Variants in MAP4K3 observed in about 807,000 individuals in gnomAD.
The protein encoded by MAP4K3 is MAPK/ERK kinase kinase kinase 3.
A neutral mutation model predicts 143.5 loss-of-function variants in MAP4K3; 94 were observed. The observed-to-expected ratio is 0.65, with a 90% CI of 0.55 to 0.78. The LOEUF (loss-of-function observed/expected upper bound fraction) is 0.78, where lower values mean the gene tolerates loss of function less well. Ranked by LOEUF, MAP4K3 falls within the 30% of genes least tolerant of loss-of-function variation. MAP4K3 has a pLI of 0.00. For missense variants in MAP4K3, 1,077 were observed against 1,068.1 expected (o/e 1.01, Z -0.12); for synonymous variants, 416 against 347.2 (o/e 1.20, Z -2.20).
chr2:39,313,293 T>G (rs1361440852), intron 13 of MAP4K3, among the ~76,000 whole-genome samples: 1 of 152,152 alleles, frequency 6.6e-6, no homozygotes, highest in Non-Finnish European at 1.5e-5. Flanking sequence ...CGCGGGGGTT[T>G]ATTGTACAGA....
intron 1 of MAP4K3, among the ~76,000 whole-genome samples, chr2:39,391,909 G>T (rs1302490262): frequency 6.6e-6 from 1 of 152,044 alleles, no homozygotes; most frequent in African/African-American, 2.4e-5. Context: ...TGGGCCAGGC[G>T]CGGTGGCTCA....
At chr2:39,295,261 G>A (rs1028504801) in intron 16 of MAP4K3, among the ~76,000 whole-genome samples, 11 of 151,888 alleles carry the variant, frequency 7.2e-5, no homozygotes, top group Non-Finnish European at 1.5e-4. Context: ...TGAAGAGCTG[G>A]CATTTGAGTT....
At chr2:39,407,831 C>A (rs1436971043) in intron 1 of MAP4K3, among the ~76,000 whole-genome samples, 4 of 152,146 alleles carry the variant, frequency 2.6e-5, no homozygotes, top group Non-Finnish European at 4.4e-5. Context: ...CCATCTCGGC[C>A]TCCCAAAGTG....
At position 39,293,283 on chromosome 2, in the gene MAP4K3, C is replaced by A. The variant is rs1558627807; in HGVS notation, c.1179-15G>T. 4 of 1,452,458 alleles carry A rather than the reference C, an allele frequency of 2.8e-6. No individual in the cohort carries two copies. The highest frequency in any genetic ancestry group is 4.3e-5 in the Admixed American group (2 of 46,376). 90.0% of individuals were successfully genotyped at this position (1,452,458 alleles called of 1,614,324 possible). ...TGAGAAGACTCCTTAAAAGAAAAAACAAAAACAAAAAATAATGTGAATAAA... is the reference window on the plus strand; with the variant it reads ...TGAGAAGACTCCTTAAAAGAAAAAAAAAAAACAAAAAATAATGTGAATAAA... On this transcript the variant is annotated splice_polypyrimidine_tract_variant and intron_variant, in intron 16 of 33. Transcript: ENST00000263881.
rs779099200 is a variant in MAP4K3, at chr2:39,249,681, T to C, written c.*937A>G. On this transcript the variant is annotated 3_prime_UTR_variant, in exon 34 of 34. Transcript: ENST00000263881. ...GAGAAATTTGAACCACTTCACTCTA[T>C]GGAATGTTACAGTTCTTCAGTGTGA... is the stretch of plus-strand genomic sequence containing the variant. 1 of 152,616 alleles carries C rather than the reference T, an allele frequency of 6.6e-6. No homozygotes were observed. Among genetic ancestry groups the C allele is most frequent in the Non-Finnish European group, 1.5e-5 (1 of 68,024 alleles). 9.5% of individuals were successfully genotyped at this position (152,616 alleles called of 1,614,324 possible). A position where few individuals can be genotyped will look rare whatever the true frequency, so the allele number is the denominator to read the frequency against.
intron 26 of MAP4K3, 82 bp downstream of exon 26, chr2:39,272,201 A>C: frequency 1.9e-6 from 2 of 1,031,842 alleles, no homozygotes; most frequent in Non-Finnish European, 2.9e-6. Context: ...ACCCAAACTG[A>C]GTGCTCTTTC....
intron 1 of MAP4K3, among the ~76,000 whole-genome samples, chr2:39,389,749 G>T (rs1419891783): frequency 6.6e-6 from 1 of 152,088 alleles, no homozygotes; most frequent in South Asian, 2.1e-4. Flanking sequence ...GCCAAAAGAT[G>T]TGCAATAACA....
intron 1 of MAP4K3, among the ~76,000 whole-genome samples, chr2:39,396,006 G>A (rs1441227434): frequency 1.3e-5 from 2 of 152,124 alleles, no homozygotes; most frequent in Non-Finnish European, 2.9e-5. Context: ...AAAAGGGGAA[G>A]GGAAATACAG....
intron 26 of MAP4K3, among the ~76,000 whole-genome samples, chr2:39,270,645 G>A (rs1036348952): frequency 1.3e-5 from 2 of 152,136 alleles, no homozygotes; most frequent in Non-Finnish European, 2.9e-5. Flanking sequence ...GTAAGTAAAT[G>A]ATACAACTGT....
intron 1 of MAP4K3, among the ~76,000 whole-genome samples, chr2:39,404,311 G>C (rs1486661428): frequency 6.6e-6 from 1 of 151,998 alleles, no homozygotes; most frequent in Non-Finnish European, 1.5e-5. Flanking sequence ...CTCTTGGACA[G>C]CATTTCTGGA....
chr2:39,293,347 C>T, intron 16 of MAP4K3, 79 bp from the exon 17 acceptor site: 1 of 943,272 alleles, frequency 1.1e-6, no homozygotes, highest in Non-Finnish European at 1.6e-6. Context: ...ATCATTTTAA[C>T]CTTAACCATA....
intron 2 of MAP4K3, among the ~76,000 whole-genome samples, chr2:39,372,716 G>A (rs1250125970): frequency 6.6e-6 from 1 of 152,094 alleles, no homozygotes; most frequent in African/African-American, 2.4e-5. Context: ...AAGTGGTGCT[G>A]AGAAAACTGG....
chr2:39,276,267 A>C (rs984975406), intron 24 of MAP4K3, among the ~76,000 whole-genome samples: 14 of 152,206 alleles, frequency 9.2e-5, no homozygotes, highest in African/African-American at 3.4e-4. Flanking sequence ...CATTCTCTTC[A>C]AATCAACACA....
intron 2 of MAP4K3, among the ~76,000 whole-genome samples, chr2:39,356,745 G>C (rs1318547843): frequency 6.6e-6 from 1 of 152,186 alleles, no homozygotes; most frequent in Admixed American, 6.5e-5. Context: ...GCCTGGCATG[G>C]AGTATGCTTT....
intron 1 of MAP4K3, among the ~76,000 whole-genome samples, chr2:39,426,070 T>G (rs894336799): frequency 1.3e-5 from 2 of 152,186 alleles, no homozygotes; most frequent in Admixed American, 6.5e-5. Flanking sequence ...GTGAAGAAAC[T>G]TGGCACACCC....
intron 1 of MAP4K3, among the ~76,000 whole-genome samples, chr2:39,381,932 T>C (rs1666365057): frequency 6.6e-6 from 1 of 151,916 alleles, no homozygotes; most frequent in Non-Finnish European, 1.5e-5. Context: ...TATTTCAGTA[T>C]ACACGTCCCC....
Position 39,272,559 on chromosome 2 carries a change from A to C in MAP4K3, c.1795-17T>G, listed in dbSNP as rs372641485. On this transcript the variant is annotated splice_polypyrimidine_tract_variant and intron_variant, in intron 24 of 33. Coordinates refer to ENST00000263881, the MANE Select transcript of MAP4K3 (RefSeq NM_003618.4). ...AGGGAATAGCTGATTAAAAAAAGGCACAAAGTTTACAAAGAATAATACATA... is the reference window on the plus strand; with the variant it reads ...AGGGAATAGCTGATTAAAAAAAGGCCCAAAGTTTACAAAGAATAATACATA... 1.9e-6 allele frequency: 3 copies of C among 1,599,448 alleles called. No homozygotes were observed. Among genetic ancestry groups the C allele is most frequent in the Non-Finnish European group, 1.7e-6 (2 of 1,167,176 alleles).
intron 8 of MAP4K3, among the ~76,000 whole-genome samples, chr2:39,329,654 C>G (rs781029635): frequency 8.5e-5 from 13 of 152,130 alleles, no homozygotes; most frequent in Admixed American, 5.9e-4. Flanking sequence ...CCCCCAATTC[C>G]CACTGGATAA....
chr2:39,283,893 C>G (rs1348288165), intron 21 of MAP4K3: 1 of 152,094 alleles, frequency 6.6e-6, no homozygotes, highest in Admixed American at 6.5e-5. Context: ...CTAGAGCTGC[C>G]ATACATCAGA....
Sources: gnomAD v4.1 joint callset for allele counts (sites outside exome capture counted in the v4.1 genomes callset) on GRCh38, gnomAD v4.1.1 for gene constraint, MANE v1.5 for transcripts, NCBI Gene and HGNC (gene_info 2026-07-23, HGNC 2026-07-21) for gene names.